Variants in WDR41 observed in about 807,000 individuals in gnomAD.
The protein encoded by WDR41 is WD repeat-containing protein 41.
A neutral mutation model predicts 69.3 loss-of-function variants in WDR41; 63 were observed. The ratio of observed to expected loss-of-function variants is 0.91; its 90% confidence interval spans 0.74 to 1.12. The LOEUF (loss-of-function observed/expected upper bound fraction) is 1.12. Ranked by LOEUF, WDR41 falls within the 50% of genes most tolerant of loss-of-function variation. WDR41 has a pLI of 0.00. For missense variants in WDR41, 543 were observed against 534.5 expected (o/e 1.02, Z -0.16); for synonymous variants, 185 against 192.1 (o/e 0.96, Z 0.31).
intron 1 of WDR41, among the ~76,000 whole-genome samples, chr5:77,600,240 T>C (rs4473754): frequency 0.31 from 47,648 of 152,040 alleles, 8,127 homozygotes; most frequent in Non-Finnish European, 0.38. Context: ...AATAATAGCC[T>C]TGGTACATTC....
At chr5:77,531,567 T>G (rs1311220960) in intron 1 of WDR41, among the ~76,000 whole-genome samples, 1 of 151,986 alleles carries the variant, frequency 6.6e-6, no homozygotes, top group Admixed American at 6.6e-5. Flanking sequence ...GTTCAGCTGC[T>G]GTGGAAAACA....
At chr5:77,551,088 A>G (rs1341528494) in intron 1 of WDR41, among the ~76,000 whole-genome samples, 2 of 152,220 alleles carry the variant, frequency 1.3e-5, no homozygotes, top group African/African-American at 4.8e-5. Flanking sequence ...GCTGAAAAGT[A>G]CTAGGCTATT....
intron 1 of WDR41, among the ~76,000 whole-genome samples, chr5:77,615,770 A>G (rs569312757): frequency 6.6e-6 from 1 of 150,546 alleles, no homozygotes; most frequent in South Asian, 2.1e-4. Context: ...AAGCAGGTGG[A>G]TCACTTGAGG....
intron 1 of WDR41, among the ~76,000 whole-genome samples, chr5:77,564,068 A>C (rs960867247): frequency 6.6e-6 from 1 of 152,174 alleles, no homozygotes; most frequent in Non-Finnish European, 1.5e-5. Flanking sequence ...CTACCTTTTC[A>C]GGCAATTGTA....
At chr5:77,608,035 C>A (rs1744460479) in intron 1 of WDR41, among the ~76,000 whole-genome samples, 1 of 152,158 alleles carries the variant, frequency 6.6e-6, no homozygotes, top group African/African-American at 2.4e-5. Context: ...AACCTCTTTT[C>A]TCTTGCAAAA....
upstream of WDR41, among the ~76,000 whole-genome samples, chr5:77,494,028 G>A (rs1801898699): frequency 6.6e-6 from 1 of 152,064 alleles, no homozygotes; most frequent in African/African-American, 2.4e-5. Context: ...GGCATCAATA[G>A]AAAGGGTGGG....
Position 77,436,315 on chromosome 5 carries a change from A to T in WDR41, c.1173T>A (p.Thr391=). ...QPVKKQQENA[T]SCSLELIGDL... The stretch of plus-strand genomic sequence containing the variant: ...CTCCAATAAGCTCCAGTGAACATGA[A>T]GTAGCATTTTCTTGCTGCTTTTTAA... The change falls in exon 12 of 13, where the codon ACT becomes ACA. Residue 391 remains threonine (T), a synonymous_variant. Coordinates refer to ENST00000296679, the MANE Select transcript of WDR41 (RefSeq NM_018268.4). 1 of 1,614,158 alleles carries T rather than the reference A, an allele frequency of 6.2e-7. No homozygotes were observed. Among genetic ancestry groups the T allele is most frequent in the Non-Finnish European group, 8.5e-7 (1 of 1,179,994 alleles).
At chr5:77,618,729 T>C (rs1250833118) in intron 1 of WDR41, among the ~76,000 whole-genome samples, 1 of 152,196 alleles carries the variant, frequency 6.6e-6, no homozygotes, top group Non-Finnish European at 1.5e-5. Flanking sequence ...TAGCCCCTTA[T>C]TGTTTCACAG....
intron 4 of WDR41, among the ~76,000 whole-genome samples, chr5:77,462,146 A>G (rs1800096271): frequency 6.6e-6 from 1 of 152,140 alleles, no homozygotes; most frequent in South Asian, 2.1e-4. Flanking sequence ...GCAGTGGCTC[A>G]TGCCTATAAT....
intron 1 of WDR41, chr5:77,545,457 G>C (rs1026913158): frequency 4.9e-6 from 1 of 205,894 alleles, no homozygotes; most frequent in Non-Finnish European, 9.6e-6. Context: ...CTGGGATGGG[G>C]AACCACAGTG....
chr5:77,433,548 TTCA>T (rs1196440036), intron 12 of WDR41, among the ~76,000 whole-genome samples: 1 of 152,220 alleles, frequency 6.6e-6, no homozygotes, highest in East Asian at 1.9e-4. Context: ...TCCAGATTTT[TTCA>T]TCATCTGATT....
intron 2 of WDR41, among the ~76,000 whole-genome samples, chr5:77,483,518 GTGTGTGTA>G (rs1231046826): frequency 1.5e-5 from 2 of 134,366 alleles, no homozygotes; most frequent in African/African-American, 3.0e-5. Flanking sequence ...GTGTGTGTGT[GTGTGTGTA>G]TGCAACGTAT....
At chr5:77,442,283 C>T (rs1360875085) in intron 8 of WDR41, among the ~76,000 whole-genome samples, 2 of 151,876 alleles carry the variant, frequency 1.3e-5, no homozygotes, top group South Asian at 2.1e-4. Flanking sequence ...AACTACACAT[C>T]GAATTGAGAA....
chr5:77,462,182 G>A lies in WDR41; in HGVS notation c.348+913C>T, dbSNP rs144361400. ...CCCAGCATTGTGGGAGGCCAGGGTG[G>A]GTGGATCACCTAAGGTCAGGAGTTC... is the stretch of plus-strand genomic sequence containing the variant. On this transcript the variant is annotated intron_variant, in intron 4 of 12. Transcript: ENST00000296679. 9.0e-3 allele frequency among the ~76,000 whole-genome samples: 1,370 copies of A among 152,036 alleles called. 24 individuals carry two copies. Among genetic ancestry groups the A allele is most frequent in the African/African-American group, 0.03 (1,227 of 41,470 alleles).
At chr5:77,463,662 G>A in intron 3 of WDR41, among the ~76,000 whole-genome samples, 1 of 152,086 alleles carries the variant, frequency 6.6e-6, no homozygotes. Context: ...ACACAAATAA[G>A]TATATATATC....
chr5:77,482,434 T>C (rs1801312479), intron 2 of WDR41, among the ~76,000 whole-genome samples: 1 of 152,192 alleles, frequency 6.6e-6, no homozygotes, highest in South Asian at 2.1e-4. Flanking sequence ...TTTATTCTAA[T>C]GATTTTTTTC....
In WDR41 at chr5:77,453,871, C is replaced by T. The variant is rs745871282; in HGVS notation, c.469G>A (p.Val157Met). The change falls in exon 6 of 13, where the codon GTG becomes ATG. Residue 157 changes from valine to methionine, a missense_variant. Physicochemically the swap from Val to Met is conservative, Grantham distance 21. Coordinates refer to ENST00000296679, the MANE Select transcript of WDR41 (RefSeq NM_018268.4). ...AGGAGATCTAATTTTCGGTTCCACACACACAGGTCATTCCCACCAGAAAGC... is the reference window on the plus strand; with the variant it reads ...AGGAGATCTAATTTTCGGTTCCACATACACAGGTCATTCCCACCAGAAAGC... ...VWLSGGNDLC[V>M]WNRKLDLLCK... The T allele has an allele frequency of 2.5e-6, 4 of 1,614,120 alleles. No individual in the cohort carries two copies. The highest frequency in any genetic ancestry group is 3.4e-6 in the Non-Finnish European group (4 of 1,180,012).
chr5:77,441,745 C>A (rs905860778), intron 8 of WDR41, among the ~76,000 whole-genome samples: 1 of 151,684 alleles, frequency 6.6e-6, no homozygotes, highest in Non-Finnish European at 1.5e-5. Flanking sequence ...CTAAAACACA[C>A]ACACACACAC....
At chr5:77,582,748 C>T in intron 1 of WDR41, 1 of 1,594,604 alleles carries the variant, frequency 6.3e-7, no homozygotes, top group Non-Finnish European at 8.5e-7. Flanking sequence ...CTTTGTGAAG[C>T]TCAACAAGGC....
Sources: gnomAD v4.1 joint callset for allele counts (sites outside exome capture counted in the v4.1 genomes callset) on GRCh38, gnomAD v4.1.1 for gene constraint, MANE v1.5 for transcripts, NCBI Gene and HGNC (gene_info 2026-07-23, HGNC 2026-07-21) for gene names.